SNAP29: variants seen among roughly 807,000 people sequenced by gnomAD.
SNAP29 encodes synaptosomal-associated protein 29.
Under a neutral mutation model 27.9 loss-of-function variants are expected in SNAP29, and 13 were observed. The observed-to-expected ratio is 0.47, with a 90% CI of 0.30 to 0.74. SNAP29 has a LOEUF of 0.74. SNAP29 is among the 30% of genes least tolerant of loss of function. SNAP29 has a pLI of 0.06. For synonymous variants in SNAP29, 119 were observed against 127.1 expected (o/e 0.94, Z 0.43); for missense variants, 368 against 336.5 (o/e 1.09, Z -0.73).
chr22:20,883,888 G>T (rs1601655030), intron 4 of SNAP29, among the ~76,000 whole-genome samples: 1 of 152,246 alleles, frequency 6.6e-6, no homozygotes, highest in East Asian at 1.9e-4. Context: ...GCCACTCAGA[G>T]CCCTGTTTTC....
chr22:20,890,284 TCTAGA>T lies in SNAP29; in HGVS notation c.*2455_*2459del. ...TGGGATCGACAAAAAAATGCTACCC[TCTAGA>T]CTAGACACATTTCATGGAGACAAGC... is the stretch of plus-strand genomic sequence containing the variant. On this transcript the variant is annotated 3_prime_UTR_variant, in exon 5 of 5. Coordinates refer to ENST00000215730, the MANE Select transcript of SNAP29 (RefSeq NM_004782.4). 2 of 398,554 alleles carry T rather than the reference TCTAGA, an allele frequency of 5.0e-6. No individual in the cohort carries two copies. Among genetic ancestry groups the T allele is most frequent in the Non-Finnish European group, 8.8e-6 (2 of 226,058 alleles). 24.7% of individuals were successfully genotyped at this position (398,554 alleles called of 1,614,324 possible).
Position 20,859,357 on chromosome 22 carries a change from G to C in SNAP29, c.237+10G>C. ...GGTCGCCTCTTCCGAGGTGAGCCTG[G>C]GGCAGGGCTGGTGTGGACTCGCCGG... is the stretch of plus-strand genomic sequence containing the variant. On this transcript the variant is annotated intron_variant, in intron 1 of 4. Coordinates refer to ENST00000215730, the MANE Select transcript of SNAP29 (RefSeq NM_004782.4). 6.3e-7 allele frequency: 1 copy of C among 1,580,606 alleles called. No individual in the cohort carries two copies. Among genetic ancestry groups the C allele is most frequent in the Non-Finnish European group, 8.7e-7 (1 of 1,149,506 alleles).
chr22:20,860,618 G>A (rs546324632), intron 1 of SNAP29, among the ~76,000 whole-genome samples: 8 of 152,064 alleles, frequency 5.3e-5, no homozygotes, highest in South Asian at 2.1e-4. Flanking sequence ...CAGTCCGCCC[G>A]CTTTGGCCTC....
intron 1 of SNAP29, among the ~76,000 whole-genome samples, chr22:20,869,428 A>G (rs1928533635): frequency 6.6e-6 from 1 of 152,210 alleles, no homozygotes; most frequent in Non-Finnish European, 1.5e-5. Flanking sequence ...AAAACATTAC[A>G]GGCGGAGACA....
intron 3 of SNAP29, among the ~76,000 whole-genome samples, chr22:20,882,657 C>T (rs570205889): frequency 1.5e-4 from 23 of 152,270 alleles, no homozygotes; most frequent in Admixed American, 3.3e-4. Context: ...CTGGGAAAAC[C>T]GGCCTCATCA....
chr22:20,879,306 CAAA>C (rs945925258), intron 2 of SNAP29, among the ~76,000 whole-genome samples: 4 of 78,948 alleles, frequency 5.1e-5, no homozygotes, highest in Non-Finnish European at 5.3e-5. Flanking sequence ...GACTCCATCT[CAAA>C]AAAAAAAAAA....
intron 1 of SNAP29, among the ~76,000 whole-genome samples, chr22:20,861,506 C>T (rs957623842): frequency 6.6e-6 from 1 of 151,456 alleles, no homozygotes; most frequent in Non-Finnish European, 1.5e-5. Context: ...GGTGTGATCT[C>T]GGCTCACTGC....
intron 2 of SNAP29, among the ~76,000 whole-genome samples, chr22:20,879,167 C>T (rs549910462): frequency 2.0e-5 from 3 of 152,102 alleles, no homozygotes; most frequent in Admixed American, 6.6e-5. Context: ...ATTAGCCGGG[C>T]GTGGTAGTGG....
Position 20,867,356 on chromosome 22 carries a change from G to A in SNAP29, c.238-2981G>A, listed in dbSNP as rs1019109251. 6.6e-5 allele frequency among the ~76,000 whole-genome samples: 10 copies of A among 152,096 alleles called. No homozygotes were observed. In the East Asian group the frequency reaches 1.5e-3, roughly 23 times the overall value. ...GCGGAGGGGGGTGTGGACCTGCCTC[G>A]GTACCTGGAGCGGTTGAGGCCTGTC... On this transcript the variant is annotated intron_variant, in intron 1 of 4. Coordinates refer to ENST00000215730, the MANE Select transcript of SNAP29 (RefSeq NM_004782.4).
intron 1 of SNAP29, among the ~76,000 whole-genome samples, chr22:20,861,630 G>GT (rs1352599352): frequency 2.0e-5 from 3 of 151,634 alleles, no homozygotes; most frequent in African/African-American, 4.8e-5. Context: ...TTTTGTTTTT[G>GT]TTTTTTTGGT....
chr22:20,881,380 A>C (rs1456482789), intron 3 of SNAP29, among the ~76,000 whole-genome samples: 2 of 152,156 alleles, frequency 1.3e-5, no homozygotes, highest in East Asian at 3.9e-4. Flanking sequence ...GAGAACAAGG[A>C]AGTGAGGGCC....
At chr22:20,866,397 T>G (rs960483688) in intron 1 of SNAP29, among the ~76,000 whole-genome samples, 9 of 152,296 alleles carry the variant, frequency 5.9e-5, no homozygotes, top group African/African-American at 2.2e-4. Context: ...AAAGATAAAT[T>G]TCAGATTTCT....
At chr22:20,868,946 CAG>C (rs1187169916) in intron 1 of SNAP29, among the ~76,000 whole-genome samples, 2 of 152,188 alleles carry the variant, frequency 1.3e-5, no homozygotes, top group African/African-American at 4.8e-5. Flanking sequence ...GGCAGATTTG[CAG>C]AGACTCAGCA....
chr22:20,874,162 C>A (rs1466515256), intron 2 of SNAP29, among the ~76,000 whole-genome samples: 2 of 148,290 alleles, frequency 1.3e-5, no homozygotes, highest in Non-Finnish European at 3.0e-5. Flanking sequence ...GTGGTCCCAG[C>A]TACTCGGGAG....
At chr22:20,872,108 G>C (rs1412850629) in intron 2 of SNAP29, among the ~76,000 whole-genome samples, 1 of 152,002 alleles carries the variant, frequency 6.6e-6, no homozygotes, top group Non-Finnish European at 1.5e-5. Context: ...TTTCATAGTT[G>C]TAACCATAGT....
intron 1 of SNAP29, among the ~76,000 whole-genome samples, chr22:20,861,659 G>A (rs1413205320): frequency 1.3e-5 from 2 of 151,686 alleles, no homozygotes; most frequent in African/African-American, 2.4e-5. Context: ...TTTTTGAGAC[G>A]GAGTCTTGCT....
intron 1 of SNAP29, among the ~76,000 whole-genome samples, chr22:20,864,525 A>T (rs1928412612): frequency 6.6e-6 from 1 of 152,220 alleles, no homozygotes; most frequent in South Asian, 2.1e-4. Context: ...GTCTTGGAGC[A>T]GCCCACTCCA....
rs1928103948 is a variant in SNAP29, at chr22:20,859,056, C to T, written c.-55C>T. On this transcript the variant is annotated 5_prime_UTR_variant, in exon 1 of 5. Coordinates refer to ENST00000215730, the MANE Select transcript of SNAP29 (RefSeq NM_004782.4). The stretch of plus-strand genomic sequence containing the variant: ...GCGGGCGGGGCGAGGCCCTGGACGG[C>T]GGCGGCAGTGGGGCTCCTCCTTCTG... The T allele has an allele frequency of 5.5e-6, 8 of 1,464,562 alleles. No individual in the cohort carries two copies. Among genetic ancestry groups the T allele is most frequent in the East Asian group, 2.3e-5 (1 of 43,084 alleles). 90.7% of individuals were successfully genotyped at this position (1,464,562 alleles called of 1,614,324 possible).
chr22:20,890,062 C>T lies in SNAP29; in HGVS notation c.*2226C>T, dbSNP rs1311980665. 1 of 391,670 alleles carries T rather than the reference C, an allele frequency of 2.6e-6. No homozygotes were observed. The highest frequency in any genetic ancestry group is 4.5e-6 in the Non-Finnish European group (1 of 222,492). The allele number at this position is 391,670 out of a possible 1,614,324, so 24.3% of individuals were successfully genotyped here. ...GTTTTGTCCTGTTCTTGTTCAGACC[C>T]TCTCGTTCTACGTCCTGTGCTGAGG... On this transcript the variant is annotated 3_prime_UTR_variant, in exon 5 of 5. Coordinates refer to ENST00000215730, the MANE Select transcript of SNAP29 (RefSeq NM_004782.4).
Sources: allele counts gnomAD v4.1 joint callset (sites outside exome capture counted in the v4.1 genomes callset), GRCh38; gene constraint gnomAD v4.1.1; transcripts MANE v1.5; gene names NCBI Gene and HGNC (gene_info 2026-07-23, HGNC 2026-07-21).